AFG2A: variants seen among roughly 807,000 people sequenced by gnomAD.
AFG2A encodes ATPase family gene 2 protein homolog A.
chr4:123,310,381 AGGCT>A, the AFG2A span, among the ~76,000 whole-genome samples: 1 of 152,188 alleles, frequency 6.6e-6, no homozygotes, highest in Non-Finnish European at 1.5e-5. Context: ...CTGTCTACTG[AGGCT>A]AGTTCAATGT....
chr4:123,133,485 TGTGC>T, the AFG2A span, among the ~76,000 whole-genome samples: 1 of 70,840 alleles, frequency 1.4e-5, no homozygotes. Context: ...ATCATAGGCG[TGTGC>T]GTGTGTGTGT....
the AFG2A span, among the ~76,000 whole-genome samples, chr4:123,220,806 A>G: frequency 3.3e-5 from 5 of 152,162 alleles, no homozygotes; most frequent in African/African-American, 1.2e-4. Context: ...GAATTTACCA[A>G]TTTTGTAATT....
the AFG2A span, among the ~76,000 whole-genome samples, chr4:122,991,622 T>A: frequency 2.0e-5 from 3 of 152,226 alleles, no homozygotes; most frequent in African/African-American, 7.2e-5. Flanking sequence ...TTTTATATAA[T>A]GCAGTTGTTT....
chr4:123,129,406 T>C, the AFG2A span, among the ~76,000 whole-genome samples: 1 of 152,182 alleles, frequency 6.6e-6, no homozygotes, highest in Non-Finnish European at 1.5e-5. Context: ...TAATCTTAGC[T>C]ACAAGGTAAT....
the AFG2A span, among the ~76,000 whole-genome samples, chr4:123,187,097 C>T: frequency 0.056 from 8,546 of 152,202 alleles, 403 homozygotes; most frequent in African/African-American, 0.12. Context: ...TCTTTTGTTA[C>T]TATTGTTTTG....
the AFG2A span, among the ~76,000 whole-genome samples, chr4:123,156,766 AAAAAAAAAAAG>A: frequency 6.6e-6 from 1 of 151,156 alleles, no homozygotes; most frequent in Non-Finnish European, 1.5e-5. Flanking sequence ...GATTAAAAAA[AAAAAAAAAAAG>A]AAAAAAAAAG....
the AFG2A span, among the ~76,000 whole-genome samples, chr4:123,004,191 A>G: frequency 1.3e-5 from 2 of 152,008 alleles, no homozygotes; most frequent in Non-Finnish European, 2.9e-5. Context: ...GAGTGGCCCA[A>G]TTTTCCAGGT....
At chr4:123,176,051 G>T in the AFG2A span, among the ~76,000 whole-genome samples, 1 of 152,158 alleles carries the variant, frequency 6.6e-6, no homozygotes, top group African/African-American at 2.4e-5. Flanking sequence ...CTTTCAGGAG[G>T]CAGAGACAAC....
chr4:123,252,889 T>G, the AFG2A span, among the ~76,000 whole-genome samples: 1 of 152,240 alleles, frequency 6.6e-6, no homozygotes, highest in African/African-American at 2.4e-5. Flanking sequence ...TACTCTCTTA[T>G]GTCTGTTCTA....
the AFG2A span, among the ~76,000 whole-genome samples, chr4:123,187,997 C>CA: frequency 0.026 from 3,454 of 133,764 alleles, 68 homozygotes; most frequent in Non-Finnish European, 0.037. Flanking sequence ...GGCCCTATCT[C>CA]AAAAAAAAAA....
At chr4:123,066,327 C>T in the AFG2A span, among the ~76,000 whole-genome samples, 1 of 152,104 alleles carries the variant, frequency 6.6e-6, no homozygotes, top group Admixed American at 6.6e-5. Context: ...CTCTAAATGA[C>T]ACTTTTCAAG....
chr4:123,253,123 T>TGGACATGGGTGTTTGAGACC, the AFG2A span, among the ~76,000 whole-genome samples: 1 of 152,146 alleles, frequency 6.6e-6, no homozygotes, highest in South Asian at 2.1e-4. Context: ...GTGGATCACT[T>TGGACATGGGTGTTTGAGACC]GGACATGGGT....
chr4:123,278,288 CTG>C, the AFG2A span, among the ~76,000 whole-genome samples: 2 of 152,016 alleles, frequency 1.3e-5, no homozygotes, highest in East Asian at 3.9e-4. Flanking sequence ...TTTTTTATGT[CTG>C]TGGGATCAGT....
chr4:123,193,910 C>T, the AFG2A span, among the ~76,000 whole-genome samples: 1 of 151,976 alleles, frequency 6.6e-6, no homozygotes, highest in African/African-American at 2.4e-5. Context: ...ATTTTTAAGA[C>T]AAGAGGGCTT....
chr4:123,192,453 C>T, the AFG2A span, among the ~76,000 whole-genome samples: 1 of 152,152 alleles, frequency 6.6e-6, no homozygotes, highest in Non-Finnish European at 1.5e-5. Flanking sequence ...AGATATGCAC[C>T]ATCTAAAGAT....
the AFG2A span, among the ~76,000 whole-genome samples, chr4:123,293,502 C>T: frequency 3.3e-5 from 5 of 152,168 alleles, no homozygotes; most frequent in African/African-American, 1.2e-4. Context: ...TGCTGCTTCT[C>T]TAGGTATAGC....
At chr4:123,001,498 G>A in the AFG2A span, among the ~76,000 whole-genome samples, 1 of 150,968 alleles carries the variant, frequency 6.6e-6, no homozygotes, top group African/African-American at 2.4e-5. Flanking sequence ...ATTCTGGTAT[G>A]TTGTGTCTTT....
At chr4:122,947,907 T>C in the AFG2A span, among the ~76,000 whole-genome samples, 3 of 152,344 alleles carry the variant, frequency 2.0e-5, no homozygotes, top group African/African-American at 7.2e-5. Flanking sequence ...TCCACTTATA[T>C]ATGAATATTT....
the AFG2A span, among the ~76,000 whole-genome samples, chr4:123,261,840 C>T: frequency 6.6e-6 from 1 of 152,228 alleles, no homozygotes; most frequent in East Asian, 1.9e-4. Flanking sequence ...AGTGCAGTGT[C>T]ATGATCATAC....
Sources: allele counts gnomAD v4.1 joint callset (sites outside exome capture counted in the v4.1 genomes callset), GRCh38; gene constraint gnomAD v4.1.1; transcripts MANE v1.5; gene names NCBI Gene and HGNC (gene_info 2026-07-23, HGNC 2026-07-21).